Variants in PCDHA12 observed in about 807,000 individuals in gnomAD.
PCDHA12 encodes protocadherin alpha 12.
PCDHA12 carries 44 observed loss-of-function variants against 60.0 expected under a neutral mutation model. That is an observed-to-expected ratio of 0.73 (90% confidence interval 0.58 to 0.94). PCDHA12 has a LOEUF of 0.94. PCDHA12 is among the 40% of genes least tolerant of loss of function. The pLI, the probability that PCDHA12 is intolerant of heterozygous loss-of-function variation, is 0.00. For missense variants in PCDHA12, 1,276 were observed against 1,239.7 expected (o/e 1.03, Z -0.44); for synonymous variants, 569 against 553.0 (o/e 1.03, Z -0.40).
Position 141,011,309 on chromosome 5 carries a change from A to G in PCDHA12, c.*1372A>G, listed in dbSNP as rs374038361. On this transcript the variant is annotated 3_prime_UTR_variant, in exon 4 of 4. Coordinates refer to ENST00000398631, the MANE Select transcript of PCDHA12 (RefSeq NM_018903.4). ...CTTTTCTATAACACTCTGAATTGCTAATCTTACTAACACCTATGATGTTAC... is the reference window on the plus strand; with the variant it reads ...CTTTTCTATAACACTCTGAATTGCTGATCTTACTAACACCTATGATGTTAC... 9.8e-5 allele frequency: 15 copies of G among 153,742 alleles called. No homozygotes were observed. The highest frequency in any genetic ancestry group is 1.9e-4 in the Non-Finnish European group (13 of 68,036). 9.5% of individuals were successfully genotyped at this position (153,742 alleles called of 1,614,324 possible). A position where few individuals can be genotyped will look rare whatever the true frequency, so the allele number is the denominator to read the frequency against.
chr5:140,913,526 A>T (rs1171997127), intron 1 of PCDHA12, among the ~76,000 whole-genome samples: 1 of 151,968 alleles, frequency 6.6e-6, no homozygotes, highest in Non-Finnish European at 1.5e-5. Flanking sequence ...TTATCTTTTC[A>T]AAAGATTGAC....
intron 1 of PCDHA12, among the ~76,000 whole-genome samples, chr5:140,920,769 G>T (rs2153558518): frequency 6.6e-6 from 1 of 151,918 alleles, no homozygotes; most frequent in African/African-American, 2.4e-5. Context: ...GCTTACACCT[G>T]GGAGGTGGAG....
chr5:140,883,930 C>T, intron 1 of PCDHA12: 1 of 1,613,066 alleles, frequency 6.2e-7, no homozygotes, highest in East Asian at 2.2e-5. Context: ...TGCAGGTGTT[C>T]GTGCTGGACG....
chr5:140,939,240 AGGT>A (rs1314261929), intron 1 of PCDHA12, among the ~76,000 whole-genome samples: 2 of 152,170 alleles, frequency 1.3e-5, no homozygotes, highest in African/African-American at 4.8e-5. Context: ...GGAAGGAGCA[AGGT>A]AGCTCTCTGG....
chr5:140,973,974 T>C (rs2096609755), intron 1 of PCDHA12, among the ~76,000 whole-genome samples: 1 of 152,224 alleles, frequency 6.6e-6, no homozygotes. Context: ...TAAATGTGGC[T>C]TTTACAGAAC....
Position 140,882,272 on chromosome 5 carries a change from C to G in PCDHA12, c.2367+4433C>G, listed in dbSNP as rs782377951. On this transcript the variant is annotated intron_variant, in intron 1 of 3. Transcript: ENST00000398631. ...TCTGAGGTTTTTGGAGTGTACCATG[C>G]TGTCTTCCTGGCAAGGAGGCCCAAG... The G allele has an allele frequency of 5.0e-6, 8 of 1,611,430 alleles. No individual in the cohort carries two copies. The highest frequency in any genetic ancestry group is 6.8e-6 in the Non-Finnish European group (8 of 1,178,456).
chr5:141,010,432 CAA>C lies in PCDHA12; in HGVS notation c.*497_*498del. The C allele has an allele frequency of 8.5e-6, 9 of 1,056,970 alleles. No individual in the cohort carries two copies. The highest frequency in any genetic ancestry group is 1.2e-5 in the Non-Finnish European group (9 of 756,282). 65.5% of individuals were successfully genotyped at this position (1,056,970 alleles called of 1,614,324 possible). A position where few individuals can be genotyped will look rare whatever the true frequency, so the allele number is the denominator to read the frequency against. On this transcript the variant is annotated 3_prime_UTR_variant, in exon 4 of 4. Coordinates refer to ENST00000398631, the MANE Select transcript of PCDHA12 (RefSeq NM_018903.4). Reference sequence around the variant, plus strand: ...AATTGGTACAAGGAAGGCAAGAAAACAAAGACAAATAAACAGCGGAAGTTATC... The same window carrying C: ...AATTGGTACAAGGAAGGCAAGAAAACAGACAAATAAACAGCGGAAGTTATC...
intron 1 of PCDHA12, among the ~76,000 whole-genome samples, chr5:140,885,108 T>C (rs986059469): frequency 6.6e-6 from 1 of 152,226 alleles, no homozygotes; most frequent in Non-Finnish European, 1.5e-5. Flanking sequence ...AAATGCTTTT[T>C]TTAAGTGCAC....
rs193081186 is a variant in PCDHA12, at chr5:140,886,365, A to G, written c.2367+8526A>G. Among the ~76,000 whole-genome samples the G allele has an allele frequency of 3.1e-3, 466 of 152,304 alleles. 3 individuals carry two copies. Among genetic ancestry groups the G allele is most frequent in the Middle Eastern group, 0.014 (4 of 294 alleles). On this transcript the variant is annotated intron_variant, in intron 1 of 3. Transcript: ENST00000398631. Reference sequence around the variant, plus strand: ...GTGCAGGTTTGTTACATAGGTGTACATGCCATGGTGTGCTTATCTATTATC... The same window carrying G: ...GTGCAGGTTTGTTACATAGGTGTACGTGCCATGGTGTGCTTATCTATTATC...
In PCDHA12 at chr5:141,000,418, TATA is replaced by T. The variant is rs1442097844; in HGVS notation, c.2516-9208_2516-9206del. 6.0e-3 allele frequency among the ~76,000 whole-genome samples: 500 copies of T among 83,616 alleles called. 3 individuals are homozygous for T. The highest frequency in any genetic ancestry group is 7.2e-3 in the African/African-American group (142 of 19,618). 54.9% of individuals were successfully genotyped at this position (83,616 alleles called of 152,430 possible). A position where few individuals can be genotyped will look rare whatever the true frequency, so the allele number is the denominator to read the frequency against. ...CTCTATATATATATATATATATATA[TATA>T]TTTTTTTTTTTTTTTTTTTTTTTGA... On this transcript the variant is annotated intron_variant, in intron 3 of 3. Coordinates refer to ENST00000398631, the MANE Select transcript of PCDHA12 (RefSeq NM_018903.4).
At position 140,877,186 on chromosome 5, in the gene PCDHA12, A is replaced by C; in HGVS notation, c.1714A>C (p.Ser572Arg). Residue 572 changes from serine (S) to arginine (R), a missense_variant, in exon 1 of 4, where the codon AGC becomes CGC. Coordinates refer to ENST00000398631, the MANE Select transcript of PCDHA12 (RefSeq NM_018903.4). The stretch of plus-strand genomic sequence containing the variant: ...GGCACTGCTGGCGACTCCGGCTGGC[A>C]GCGCAGGAGGCGCAGTTAGCGAGTT... ...APALLATPAG[S>R]AGGAVSELVP... is the part of the protein sequence containing the mutation. 1 of 1,613,832 alleles carries C rather than the reference A, an allele frequency of 6.2e-7. No homozygotes were observed. Among genetic ancestry groups the C allele is most frequent in the Non-Finnish European group, 8.5e-7 (1 of 1,179,822 alleles).
chr5:141,003,740 C>T (rs1490080996), intron 3 of PCDHA12, among the ~76,000 whole-genome samples: 1 of 152,146 alleles, frequency 6.6e-6, no homozygotes, highest in African/African-American at 2.4e-5. Flanking sequence ...AAAGCAAAAC[C>T]ATATTTTGTA....
In PCDHA12 at chr5:140,927,241, A is replaced by T. The variant is rs781911240; in HGVS notation, c.2367+49402A>T. The stretch of plus-strand genomic sequence containing the variant: ...CAAGATTCGGATTCACGTCCTGGAC[A>T]CCAATGACAACTCACCTCTCTTTCC... On this transcript the variant is annotated intron_variant, in intron 1 of 3. Coordinates refer to ENST00000398631, the MANE Select transcript of PCDHA12 (RefSeq NM_018903.4). 3 of 1,613,966 alleles carry T rather than the reference A, an allele frequency of 1.9e-6. No homozygotes were observed. The Admixed American group carries it at 5.0e-5, about 27-fold the overall frequency.
chr5:140,889,403 C>T (rs1246037388), intron 1 of PCDHA12, among the ~76,000 whole-genome samples: 1 of 151,882 alleles, frequency 6.6e-6, no homozygotes, highest in Non-Finnish European at 1.5e-5. Flanking sequence ...TTAATTTACT[C>T]GAGTCAGTTA....
intron 1 of PCDHA12, among the ~76,000 whole-genome samples, chr5:140,978,124 G>A (rs1554239035): frequency 6.6e-6 from 1 of 152,140 alleles, no homozygotes; most frequent in East Asian, 1.9e-4. Context: ...GTCTTTAGGT[G>A]CCCATATTTT....
chr5:140,968,477 G>T, intron 1 of PCDHA12: 1 of 1,614,112 alleles, frequency 6.2e-7, no homozygotes, highest in Non-Finnish European at 8.5e-7. Flanking sequence ...ATATGTGGTG[G>T]ACATGAATGA....
rs1554262937 is a variant in PCDHA12 at position 141,010,412 on chromosome 5, G to A, written c.*475G>A. 2.5e-6 allele frequency: 3 copies of A among 1,201,296 alleles called. No homozygotes were observed. Among genetic ancestry groups the A allele is most frequent in the Non-Finnish European group, 3.4e-6 (3 of 885,080 alleles). 74.4% of individuals were successfully genotyped at this position (1,201,296 alleles called of 1,614,324 possible). On this transcript the variant is annotated 3_prime_UTR_variant, in exon 4 of 4. Coordinates refer to ENST00000398631, the MANE Select transcript of PCDHA12 (RefSeq NM_018903.4). ...GAGACGAGCCAGCTTAGACTAATTG[G>A]TACAAGGAAGGCAAGAAAACAAAGA...
At chr5:140,973,782 C>CT (rs1461331270) in intron 1 of PCDHA12, among the ~76,000 whole-genome samples, 7 of 152,208 alleles carry the variant, frequency 4.6e-5, no homozygotes, top group African/African-American at 1.7e-4. Flanking sequence ...TATAGGTTGC[C>CT]TATTGGCATG....
At chr5:140,922,866 GA>G (rs557650266) in intron 1 of PCDHA12, among the ~76,000 whole-genome samples, 2 of 152,096 alleles carry the variant, frequency 1.3e-5, no homozygotes, top group Non-Finnish European at 2.9e-5. Flanking sequence ...TAGACAAGGG[GA>G]AAAAATCCAA....
Sources: gnomAD v4.1 joint callset for allele counts (sites outside exome capture counted in the v4.1 genomes callset) on GRCh38, gnomAD v4.1.1 for gene constraint, MANE v1.5 for transcripts, NCBI Gene and HGNC (gene_info 2026-07-23, HGNC 2026-07-21) for gene names.